KIAA0825: variants seen among roughly 807,000 people sequenced by gnomAD.
The protein encoded by KIAA0825 is KIAA0825, also known as uncharacterized protein KIAA0825.
A neutral mutation model predicts 147.6 loss-of-function variants in KIAA0825; 119 were observed. The ratio of observed to expected loss-of-function variants is 0.81; its 90% CI spans 0.69 to 0.94. KIAA0825 has a LOEUF of 0.94. Among genes scored for constraint, KIAA0825 ranks in the 40% least tolerant of loss-of-function variants. KIAA0825 has a pLI of 0.00. For synonymous variants in KIAA0825, 470 were observed against 518.1 expected (o/e 0.91, Z 1.26); for missense variants, 1,381 against 1,472.7 (o/e 0.94, Z 1.02).
intron 20 of KIAA0825, among the ~76,000 whole-genome samples, chr5:94,168,155 C>T (rs1288612997): frequency 6.6e-6 from 1 of 151,700 alleles, no homozygotes; most frequent in Admixed American, 6.6e-5. Flanking sequence ...TATATATCAA[C>T]ACTTGCCATC....
chr5:94,429,038 C>T (rs1407765329), intron 14 of KIAA0825, among the ~76,000 whole-genome samples: 1 of 152,012 alleles, frequency 6.6e-6, no homozygotes, highest in Non-Finnish European at 1.5e-5. Flanking sequence ...TTTTCAATTC[C>T]AGAGGCTCTG....
At chr5:94,530,500 TC>T (rs1770578173) in intron 3 of KIAA0825, among the ~76,000 whole-genome samples, 1 of 152,030 alleles carries the variant, frequency 6.6e-6, no homozygotes, top group African/African-American at 2.4e-5. Flanking sequence ...TCCAGCCCCT[TC>T]CCATCCCAGC....
intron 20 of KIAA0825, among the ~76,000 whole-genome samples, chr5:94,300,834 T>C (rs1279070563): frequency 1.3e-5 from 2 of 152,094 alleles, no homozygotes. Context: ...AGGTAGCCCA[T>C]TTTAGGGGGT....
intron 5 of KIAA0825, among the ~76,000 whole-genome samples, chr5:94,504,731 T>G (rs1186237191): frequency 6.7e-6 from 1 of 149,394 alleles, no homozygotes; most frequent in Non-Finnish European, 1.5e-5. Context: ...ATTACGCCCG[T>G]GTGATTTTTC....
intron 1 of KIAA0825, among the ~76,000 whole-genome samples, chr5:94,599,262 C>T (rs1456691852): frequency 6.7e-6 from 1 of 148,710 alleles, no homozygotes; most frequent in African/African-American, 2.5e-5. Context: ...ACTTATTGGG[C>T]ATTTGTATAA....
Position 94,519,952 on chromosome 5 carries a change from C to T in KIAA0825, c.970+296G>A, listed in dbSNP as rs1767850064. 5.2e-6 allele frequency: 5 copies of T among 965,428 alleles called. No homozygotes were observed. The African/African-American group carries it at 5.2e-5, about 10-fold the overall frequency. 59.8% of individuals were successfully genotyped at this position (965,428 alleles called of 1,614,324 possible). On this transcript the variant is annotated intron_variant, in intron 5 of 20. Coordinates refer to ENST00000682413, the MANE Select transcript of KIAA0825 (RefSeq NM_001145678.3). ...ACTCATTTATATATATGTGTGTATA[C>T]ACACAGTTTCACAAATACTGTTTGT...
chr5:94,241,559 C>G (rs1775344722), intron 20 of KIAA0825, among the ~76,000 whole-genome samples: 1 of 152,240 alleles, frequency 6.6e-6, no homozygotes, highest in African/African-American at 2.4e-5. Flanking sequence ...GTTCCATTCA[C>G]TTGATGATGA....
chr5:94,276,775 G>C (rs945043813), intron 20 of KIAA0825, among the ~76,000 whole-genome samples: 9 of 151,980 alleles, frequency 5.9e-5, no homozygotes, highest in Non-Finnish European at 8.8e-5. Flanking sequence ...CAGGAATAGA[G>C]AGGGCCTGCT....
intron 20 of KIAA0825, among the ~76,000 whole-genome samples, chr5:94,266,965 C>T (rs1016618803): frequency 6.6e-5 from 10 of 151,954 alleles, no homozygotes; most frequent in Non-Finnish European, 1.0e-4. Context: ...AGTAGATGTT[C>T]AATAAATATC....
chr5:94,309,868 T>C (rs1779005348), intron 20 of KIAA0825, among the ~76,000 whole-genome samples: 1 of 151,658 alleles, frequency 6.6e-6, no homozygotes, highest in African/African-American at 2.4e-5. Context: ...TGGACAGATA[T>C]CCGTGGATGC....
intron 14 of KIAA0825, among the ~76,000 whole-genome samples, chr5:94,419,233 C>T (rs1350116456): frequency 3.9e-5 from 6 of 152,142 alleles, no homozygotes; most frequent in South Asian, 2.1e-4. Context: ...GCAGTCTAAA[C>T]GGTCTCGACT....
chr5:94,400,847 T>C (rs1188682716), intron 16 of KIAA0825, among the ~76,000 whole-genome samples: 6 of 152,148 alleles, frequency 3.9e-5, no homozygotes, highest in Admixed American at 3.9e-4. Context: ...AATGTCACAG[T>C]ATTTGCTGAT....
At chr5:94,572,121 CA>C (rs1376864724) in intron 2 of KIAA0825, among the ~76,000 whole-genome samples, 3 of 148,280 alleles carry the variant, frequency 2.0e-5, no homozygotes, top group Admixed American at 6.7e-5. Context: ...AAAAGCCCCA[CA>C]AAAAAACCAA....
In KIAA0825 at chr5:94,346,615, A is replaced by G. The variant is rs186428384; in HGVS notation, c.3710+37753T>C. ...TGCGACTTTACCTGGAGCTGAGTCT[A>G]TTTGGAGAGCCGAGCGAAATACAGG... On this transcript the variant is annotated intron_variant, in intron 20 of 20. Transcript: ENST00000682413. 2.0e-3 allele frequency among the ~76,000 whole-genome samples: 306 copies of G among 152,278 alleles called. 3 individuals are homozygous for G. The highest frequency in any genetic ancestry group is 0.011 in the South Asian group (52 of 4,830).
chr5:94,523,786 G>C (rs1024607598), intron 4 of KIAA0825, 144 bp downstream of exon 4: 2 of 455,530 alleles, frequency 4.4e-6, no homozygotes, highest in Admixed American at 4.0e-5. Context: ...GATTATGTTG[G>C]GGATATAGGA....
At chr5:94,168,276 T>G (rs775804077) in intron 20 of KIAA0825, among the ~76,000 whole-genome samples, 24 of 152,088 alleles carry the variant, frequency 1.6e-4, no homozygotes, top group Non-Finnish European at 1.5e-4. Context: ...CAAATGACTG[T>G]TCTTTTGCAA....
intron 20 of KIAA0825, among the ~76,000 whole-genome samples, chr5:94,235,550 A>G (rs370650133): frequency 6.6e-6 from 1 of 152,234 alleles, no homozygotes. Context: ...AGCTGCAGCG[A>G]GTTATTCAAA....
intron 3 of KIAA0825, among the ~76,000 whole-genome samples, chr5:94,529,892 G>T (rs1770423817): frequency 6.6e-6 from 1 of 152,134 alleles, no homozygotes; most frequent in African/African-American, 2.4e-5. Context: ...CTATGTGCCA[G>T]GACTGTTTTA....
chr5:94,552,629 A>G (rs1775752458), intron 2 of KIAA0825, among the ~76,000 whole-genome samples: 1 of 152,266 alleles, frequency 6.6e-6, no homozygotes, highest in Non-Finnish European at 1.5e-5. Flanking sequence ...AAATACATAG[A>G]AAAGAAACAA....
Sources: gnomAD v4.1 joint callset for allele counts (sites outside exome capture counted in the v4.1 genomes callset) on GRCh38, gnomAD v4.1.1 for gene constraint, MANE v1.5 for transcripts, NCBI Gene and HGNC (gene_info 2026-07-23, HGNC 2026-07-21) for gene names.